HYDIN: variants seen among roughly 807,000 people sequenced by gnomAD.
The protein encoded by HYDIN is HYDIN axonemal central pair apparatus protein.
A neutral mutation model predicts 403.9 loss-of-function variants in HYDIN; 132 were observed. The observed-to-expected ratio is 0.33, with a 90% CI of 0.28 to 0.38. The LOEUF is 0.38. HYDIN is among the 10% of genes least tolerant of loss of function. The pLI, the probability that HYDIN is intolerant of heterozygous loss-of-function variation, is 1.00. For synonymous variants in HYDIN, 1,202 were observed against 1,891.7 expected (o/e 0.64, Z 9.46); for missense variants, 2,827 against 5,009.5 (o/e 0.56, Z 13.15).
intron 60 of HYDIN, among the ~76,000 whole-genome samples, chr16:70,880,528 T>C (rs1461551287): frequency 6.6e-6 from 1 of 152,096 alleles, no homozygotes; most frequent in East Asian, 1.9e-4. Context: ...CTTCAGGTGA[T>C]GGTGCCAGTC....
chr16:70,874,392 GT>G lies in HYDIN; in HGVS notation c.10860del (p.Leu3621TrpfsTer10). 1.8e-6 allele frequency: 1 copy of G among 542,504 alleles called. No homozygotes were observed. The highest frequency in any genetic ancestry group is 3.1e-6 in the Non-Finnish European group (1 of 321,570). The allele number at this position is 542,504 out of a possible 1,614,324, so 33.6% of individuals were successfully genotyped here. The part of the protein sequence containing the change: ...EDDITLDNIH[G>X]LVAPTSQEDI... ...TCTTCCTGGCTGGTGGGGGCCACCAGTCCATGGATGTTGTCCAAGGTGATGT... is the reference window on the plus strand; with the variant it reads ...TCTTCCTGGCTGGTGGGGGCCACCAGCCATGGATGTTGTCCAAGGTGATGT... On this transcript the variant is annotated frameshift_variant, in exon 64 of 86. Transcript: ENST00000393567. LOFTEE classifies it high-confidence loss of function.
At chr16:71,128,580 G>GT (rs112708062) in intron 9 of HYDIN, among the ~76,000 whole-genome samples, 9 of 151,724 alleles carry the variant, frequency 5.9e-5, no homozygotes, top group East Asian at 1.9e-4. Context: ...TCCTATTGCT[G>GT]TTTTTTTTGT....
At chr16:71,011,616 T>C (rs1261087222) in intron 23 of HYDIN, among the ~76,000 whole-genome samples, 1 of 152,024 alleles carries the variant, frequency 6.6e-6, no homozygotes, top group African/African-American at 2.4e-5. Context: ...TGCACGCCTG[T>C]AGTCCCAGCT....
At chr16:71,203,738 GA>G (rs1567448189) in intron 1 of HYDIN, 1 of 456,002 alleles carries the variant, frequency 2.2e-6, no homozygotes, top group Admixed American at 2.3e-5. Context: ...TGTCTTTGCA[GA>G]GGCTCATATG....
At chr16:70,860,356 T>C in intron 70 of HYDIN, 150 bp from the exon 71 acceptor site, 1 of 721,384 alleles carries the variant, frequency 1.4e-6, no homozygotes, top group Non-Finnish European at 2.2e-6. Flanking sequence ...AAAAACTCCA[T>C]CTCCTCTAGC....
chr16:71,029,839 C>G (rs2080840796), intron 19 of HYDIN, among the ~76,000 whole-genome samples: 1 of 152,128 alleles, frequency 6.6e-6, no homozygotes, highest in Admixed American at 6.5e-5. Context: ...TCAGTCACAT[C>G]TCCAAGCACA....
At chr16:70,901,736 C>A (rs2143755233) in intron 52 of HYDIN, among the ~76,000 whole-genome samples, 1 of 151,988 alleles carries the variant, frequency 6.6e-6, no homozygotes, top group African/African-American at 2.4e-5. Flanking sequence ...TAGGCACCCG[C>A]CACCATGCCT....
At chr16:70,848,518 CT>C (rs1356900784) in intron 75 of HYDIN, among the ~76,000 whole-genome samples, 4 of 143,604 alleles carry the variant, frequency 2.8e-5, no homozygotes, top group Non-Finnish European at 6.1e-5. Flanking sequence ...TGTTTAGTAA[CT>C]TTTTCAGTAA....
intron 7 of HYDIN, among the ~76,000 whole-genome samples, chr16:71,138,876 G>A (rs1032294416): frequency 2.2e-4 from 34 of 152,086 alleles, no homozygotes; most frequent in African/African-American, 7.2e-4. Context: ...CCGAGGTCGG[G>A]AGTTCAAGAC....
intron 23 of HYDIN, among the ~76,000 whole-genome samples, chr16:70,997,882 T>TGGTC (rs1457782407): frequency 6.7e-6 from 1 of 148,980 alleles, no homozygotes. Context: ...TTGTATCAGA[T>TGGTC]GGTCTACTAT....
At chr16:70,945,591 G>C (rs1261646959) in intron 41 of HYDIN, among the ~76,000 whole-genome samples, 1 of 152,182 alleles carries the variant, frequency 6.6e-6, no homozygotes, top group Non-Finnish European at 1.5e-5. Context: ...GAGAGTAGTA[G>C]AAGACTTTGT....
chr16:71,045,488 T>G (rs2081423086), intron 18 of HYDIN, among the ~76,000 whole-genome samples: 2 of 152,136 alleles, frequency 1.3e-5, no homozygotes, highest in African/African-American at 4.8e-5. Flanking sequence ...CAAGTATATC[T>G]AATTCATATT....
At chr16:71,022,253 A>T (rs2080523107) in intron 21 of HYDIN, among the ~76,000 whole-genome samples, 5 of 152,186 alleles carry the variant, frequency 3.3e-5, no homozygotes, top group Admixed American at 3.3e-4. Flanking sequence ...GATGAGAAGG[A>T]GTCAAGCACA....
At chr16:71,032,071 G>A (rs556016305) in intron 18 of HYDIN, among the ~76,000 whole-genome samples, 154 bp from the exon 19 acceptor site, 1 of 151,426 alleles carries the variant, frequency 6.6e-6, no homozygotes, top group South Asian at 2.1e-4. Flanking sequence ...GATGTTTGTT[G>A]GTTTTCCTTT....
chr16:71,195,015 C>T (rs972221012), intron 1 of HYDIN, among the ~76,000 whole-genome samples: 5 of 152,142 alleles, frequency 3.3e-5, no homozygotes, highest in African/African-American at 7.2e-5. Flanking sequence ...CTGTCACTTG[C>T]ACAACATCTA....
At chr16:70,819,974 ATTT>A (rs56879257) in intron 83 of HYDIN, among the ~76,000 whole-genome samples, 1 of 123,216 alleles carries the variant, frequency 8.1e-6, no homozygotes, top group African/African-American at 3.3e-5. Flanking sequence ...CGCCTGGCTA[ATTT>A]TTTTTTTTTT....
intron 75 of HYDIN, among the ~76,000 whole-genome samples, chr16:70,847,622 T>C (rs1394293275): frequency 6.6e-6 from 1 of 152,046 alleles, no homozygotes; most frequent in African/African-American, 2.4e-5. Flanking sequence ...GTTGATAATT[T>C]TTTTTTTTCA....
chr16:71,209,345 C>A (rs1013854867), intron 1 of HYDIN, among the ~76,000 whole-genome samples: 2 of 151,746 alleles, frequency 1.3e-5, no homozygotes, highest in African/African-American at 4.8e-5. Flanking sequence ...AATTCAACAT[C>A]CCTTCATGTT....
chr16:71,065,022 C>T (rs1010017705), intron 15 of HYDIN, among the ~76,000 whole-genome samples, 182 bp from the exon 16 acceptor site: 9 of 152,226 alleles, frequency 5.9e-5, no homozygotes, highest in African/African-American at 2.2e-4. Context: ...CCAGTCACCA[C>T]TTTTTAATCA....
Sources: allele counts gnomAD v4.1 joint callset (sites outside exome capture counted in the v4.1 genomes callset), GRCh38; gene constraint gnomAD v4.1.1; transcripts MANE v1.5; gene names NCBI Gene and HGNC (gene_info 2026-07-23, HGNC 2026-07-21).